The following FAM120B variants were observed in gnomAD, a reference collection of about 807,000 sequenced individuals.
The protein encoded by FAM120B is constitutive coactivator of peroxisome proliferator-activated receptor gamma.
In FAM120B, 83 loss-of-function variants were observed where a neutral mutation model predicts 96.3. The observed-to-expected ratio is 0.86, with a 90% confidence interval of 0.72 to 1.03. The LOEUF (loss-of-function observed/expected upper bound fraction) is 1.03, where lower values mean the gene tolerates loss of function less well. Ranked by LOEUF, FAM120B falls within the 50% of genes least tolerant of loss-of-function variation. FAM120B has a pLI of 0.00. For synonymous variants in FAM120B, 407 were observed against 402.7 expected (o/e 1.01, Z -0.13); for missense variants, 1,027 against 1,121.2 (o/e 0.92, Z 1.20).
Position 170,316,496 on chromosome 6 carries a change from G to A in FAM120B, c.-21-874G>A, listed in dbSNP as rs570472861. 5.9e-5 allele frequency among the ~76,000 whole-genome samples: 9 copies of A among 152,262 alleles called. No individual in the cohort carries two copies. The South Asian group carries it at 1.0e-3, about 18-fold the overall frequency. On this transcript the variant is annotated intron_variant, in intron 1 of 10. Coordinates refer to ENST00000476287, the MANE Select transcript of FAM120B (RefSeq NM_032448.3). Reference sequence around the variant, plus strand: ...GCACATCATTGCCTACTTGAAGAACGCCTTTTATAATGTCATATACAATAT... The same window carrying A: ...GCACATCATTGCCTACTTGAAGAACACCTTTTATAATGTCATATACAATAT...
At chr6:170,328,025 A>G (rs757894515) in intron 3 of FAM120B, among the ~76,000 whole-genome samples, 4 of 152,266 alleles carry the variant, frequency 2.6e-5, no homozygotes, top group Non-Finnish European at 4.4e-5. Context: ...GGGCTATAAT[A>G]CATTCAAAAA....
intron 9 of FAM120B, among the ~76,000 whole-genome samples, chr6:170,398,631 A>G (rs59790094): frequency 3.6e-4 from 44 of 122,982 alleles, no homozygotes; most frequent in East Asian, 5.4e-4. Context: ...AGTGAGTGGG[A>G]AAGGTAGAAC....
intron 6 of FAM120B, among the ~76,000 whole-genome samples, chr6:170,377,186 T>C (rs369665448): frequency 2.3e-5 from 2 of 87,882 alleles, no homozygotes; most frequent in Non-Finnish European, 4.5e-5. Flanking sequence ...CCCAGATGCC[T>C]GGGAGAACAC....
intron 3 of FAM120B, among the ~76,000 whole-genome samples, chr6:170,327,316 G>A (rs1455668093): frequency 6.6e-6 from 1 of 152,170 alleles, no homozygotes; most frequent in East Asian, 1.9e-4. Flanking sequence ...AAAGTGCTGG[G>A]ATTACAGGCG....
At chr6:170,374,941 A>G (rs1397221029) in intron 6 of FAM120B, among the ~76,000 whole-genome samples, 2 of 152,206 alleles carry the variant, frequency 1.3e-5, no homozygotes, top group Non-Finnish European at 2.9e-5. Flanking sequence ...GGACTTCCAC[A>G]TTTGCACTTG....
chr6:170,299,940 G>A (rs747324621), intron 1 of FAM120B, among the ~76,000 whole-genome samples: 6 of 152,200 alleles, frequency 3.9e-5, no homozygotes, highest in Admixed American at 6.5e-5. Context: ...ATGATCATAA[G>A]AAGAGGAACA....
At chr6:170,321,623 C>T (rs1174248070) in intron 2 of FAM120B, among the ~76,000 whole-genome samples, 2 of 152,198 alleles carry the variant, frequency 1.3e-5, no homozygotes, top group Non-Finnish European at 2.9e-5. Context: ...AAGTGATCCA[C>T]CTCGACCTCC....
At chr6:170,297,220 G>A (rs1005172540) in intron 1 of FAM120B, among the ~76,000 whole-genome samples, 2 of 152,184 alleles carry the variant, frequency 1.3e-5, no homozygotes, top group African/African-American at 4.8e-5. Flanking sequence ...GCCCTTTCAC[G>A]AATGTCCCCA....
At chr6:170,404,220 G>A in intron 9 of FAM120B, 1 of 263,812 alleles carries the variant, frequency 3.8e-6, no homozygotes, top group East Asian at 8.1e-5. Context: ...AACGTCCATG[G>A]TGAGCCATCT....
intron 6 of FAM120B, among the ~76,000 whole-genome samples, chr6:170,381,940 G>A (rs1345841977): frequency 1.3e-5 from 2 of 152,160 alleles, no homozygotes; most frequent in Non-Finnish European, 1.5e-5. Context: ...TCCAATATCA[G>A]GGATATTAGG....
chr6:170,371,895 A>G (rs1789218562), intron 6 of FAM120B, among the ~76,000 whole-genome samples: 1 of 152,096 alleles, frequency 6.6e-6, no homozygotes, highest in Non-Finnish European at 1.5e-5. Flanking sequence ...AAACCAAATA[A>G]CCGAGGGCCT....
intron 1 of FAM120B, among the ~76,000 whole-genome samples, chr6:170,310,387 C>T (rs1784523564): frequency 6.6e-6 from 1 of 152,224 alleles, no homozygotes; most frequent in South Asian, 2.1e-4. Context: ...GGTAAGGAAA[C>T]ATCCCACAGG....
chr6:170,391,632 A>G (rs911671086), intron 8 of FAM120B, among the ~76,000 whole-genome samples: 4 of 152,232 alleles, frequency 2.6e-5, no homozygotes, highest in Admixed American at 2.0e-4. Flanking sequence ...TTAAATAATG[A>G]AGAACTCTTT....
intron 1 of FAM120B, among the ~76,000 whole-genome samples, chr6:170,314,542 G>C (rs1335038850): frequency 6.6e-6 from 1 of 152,052 alleles, no homozygotes; most frequent in Non-Finnish European, 1.5e-5. Flanking sequence ...CTATTACCTA[G>C]ATAATGAAAA....
rs1327601936 is a variant in FAM120B at position 170,405,380 on chromosome 6, A to C, written c.*629A>C. 1.3e-5 allele frequency: 2 copies of C among 152,228 alleles called. No homozygotes were observed. Among genetic ancestry groups the C allele is most frequent in the African/African-American group, 4.8e-5 (2 of 41,456 alleles). The allele number at this position is 152,228 out of a possible 1,614,324, so 9.4% of individuals were successfully genotyped here. On this transcript the variant is annotated 3_prime_UTR_variant, in exon 11 of 11. Coordinates refer to ENST00000476287, the MANE Select transcript of FAM120B (RefSeq NM_032448.3). ...TCGTGCTGTAATCACCCTTCTTGCT[A>C]TCTGAAAACCAAGAAGACCACTAAG...
chr6:170,383,937 A>G (rs1238263549), intron 6 of FAM120B, among the ~76,000 whole-genome samples: 1 of 152,228 alleles, frequency 6.6e-6, no homozygotes, highest in African/African-American at 2.4e-5. Flanking sequence ...ACAACTCGGC[A>G]ATAAAGAGGA....
Position 170,395,316 on chromosome 6 carries a change from C to T in FAM120B, c.2600-171C>T, listed in dbSNP as rs529364289. 5.3e-4 allele frequency among the ~76,000 whole-genome samples: 80 copies of T among 152,324 alleles called. 1 individual carries two copies. The highest frequency in any genetic ancestry group is 2.5e-4 in the Non-Finnish European group (17 of 68,030). On this transcript the variant is annotated intron_variant, in intron 8 of 10. Transcript: ENST00000476287. ...CAGATCTGTGACTCCACTCCTGAGCCGGGTTCTCTGGGGATGCAACCCTTA... is the reference window on the plus strand; with the variant it reads ...CAGATCTGTGACTCCACTCCTGAGCTGGGTTCTCTGGGGATGCAACCCTTA...
chr6:170,388,843 C>G (rs972853391), intron 7 of FAM120B, among the ~76,000 whole-genome samples: 1 of 152,154 alleles, frequency 6.6e-6, no homozygotes, highest in African/African-American at 2.4e-5. Flanking sequence ...TCCCCCAAAA[C>G]GTTACTACAA....
intron 7 of FAM120B, among the ~76,000 whole-genome samples, chr6:170,389,437 C>A (rs368901988): frequency 6.6e-6 from 1 of 152,212 alleles, no homozygotes; most frequent in African/African-American, 2.4e-5. Flanking sequence ...TCAGGACTCC[C>A]AAACTTATGG....
Sources: allele counts gnomAD v4.1 joint callset (sites outside exome capture counted in the v4.1 genomes callset), GRCh38; gene constraint gnomAD v4.1.1; transcripts MANE v1.5; gene names NCBI Gene and HGNC (gene_info 2026-07-23, HGNC 2026-07-21).